TFCP2: variants seen among roughly 807,000 people sequenced by gnomAD.
TFCP2 encodes alpha-globin transcription factor CP2.
TFCP2 carries 33 observed loss-of-function variants against 73.4 expected under a neutral mutation model. The ratio of observed to expected loss-of-function variants is 0.45; its 90% CI spans 0.34 to 0.60. The LOEUF is 0.60. Among genes scored for constraint, TFCP2 ranks in the 20% least tolerant of loss-of-function variants. The pLI is 0.01. For synonymous variants in TFCP2, 193 were observed against 211.6 expected (o/e 0.91, Z 0.76); for missense variants, 352 against 604.0 (o/e 0.58, Z 4.37).
At chr12:51,148,190 A>G (rs1403834191) in intron 1 of TFCP2, among the ~76,000 whole-genome samples, 2 of 152,244 alleles carry the variant, frequency 1.3e-5, no homozygotes, top group Non-Finnish European at 2.9e-5. Context: ...GTTGCTGGGA[A>G]TGTAAATAGT....
intron 1 of TFCP2, among the ~76,000 whole-genome samples, chr12:51,143,679 AG>A (rs753120386): frequency 6.6e-5 from 10 of 152,238 alleles, no homozygotes; most frequent in Middle Eastern, 3.4e-3. Flanking sequence ...AGAAGCATGG[AG>A]GTGTTAAGCA....
chr12:51,131,059 G>A (rs1290402324), intron 1 of TFCP2, among the ~76,000 whole-genome samples: 1 of 151,614 alleles, frequency 6.6e-6, no homozygotes, highest in Non-Finnish European at 1.5e-5. Context: ...TTCGGGCGCG[G>A]TGGCTCACGC....
Position 51,118,675 on chromosome 12 carries a change from C to A in TFCP2, c.220G>T (p.Ala74Ser). 6.2e-7 allele frequency: 1 copy of A among 1,614,150 alleles called. No homozygotes were observed. The highest frequency in any genetic ancestry group is 8.5e-7 in the Non-Finnish European group (1 of 1,180,032). Reference sequence around the variant, plus strand: ...TGGAGTTTCACTGCTGGAGAGGTAGCAGCACAAAGCACATATTGAAAAGGC... The same window carrying A: ...TGGAGTTTCACTGCTGGAGAGGTAGAAGCACAAAGCACATATTGAAAAGGC... The part of the protein sequence containing the change: ...ILPFQYVLCA[A>S]TSPAVKLHDE... The change falls in exon 2 of 15, where the codon GCT becomes TCT. Residue 74 changes from alanine to serine, a missense_variant. Physicochemically the swap from Ala to Ser is moderately conservative, Grantham distance 99 (BLOSUM62 1). This residue lies in a region of TFCP2 where 76 missense variants were observed against 163.2 expected (regional missense o/e 0.47). Coordinates refer to ENST00000257915, the MANE Select transcript of TFCP2 (RefSeq NM_005653.5).
At chr12:51,167,232 C>T (rs899587886) in intron 1 of TFCP2, among the ~76,000 whole-genome samples, 4 of 152,068 alleles carry the variant, frequency 2.6e-5, no homozygotes, top group Non-Finnish European at 4.4e-5. Context: ...TAAGATGACT[C>T]TTTATAAAAT....
intron 1 of TFCP2, among the ~76,000 whole-genome samples, chr12:51,119,948 G>A (rs1940618862): frequency 6.6e-6 from 1 of 151,796 alleles, no homozygotes; most frequent in Admixed American, 6.6e-5. Flanking sequence ...GGAGGCCGAG[G>A]CGGGTGGATC....
At chr12:51,144,970 G>A (rs1301129428) in intron 1 of TFCP2, among the ~76,000 whole-genome samples, 2 of 152,172 alleles carry the variant, frequency 1.3e-5, no homozygotes, top group African/African-American at 4.8e-5. Context: ...GGAGGCCGAG[G>A]TGGGCGGATC....
intron 1 of TFCP2, among the ~76,000 whole-genome samples, chr12:51,147,542 A>G (rs1941325802): frequency 6.6e-6 from 1 of 151,918 alleles, no homozygotes; most frequent in Admixed American, 6.6e-5. Context: ...GGGGGGAAAG[A>G]GAGAAGGTGA....
intron 13 of TFCP2, 116 bp downstream of exon 13, chr12:51,098,660 A>C: frequency 1.6e-6 from 2 of 1,247,754 alleles, no homozygotes; most frequent in Non-Finnish European, 2.2e-6. Context: ...CAAGCAAAAA[A>C]GTATGAAACC....
chr12:51,103,700 T>C lies in TFCP2; in HGVS notation c.1030A>G (p.Thr344Ala), dbSNP rs1940162770. 6.2e-7 allele frequency: 1 copy of C among 1,614,126 alleles called. No homozygotes were observed. Among genetic ancestry groups the C allele is most frequent in the Non-Finnish European group, 8.5e-7 (1 of 1,180,008 alleles). ...AAGTTTGTGAAAAGCCTTGTGAATG[T>C]AGAAAAACGATTTCGATGCAACCAC... The part of the protein sequence containing the change: ...QQWLHRNRFS[T>A]FTRLFTNFSG... Residue 344 changes from threonine (T) to alanine (A), a missense_variant, in exon 10 of 15, where the codon ACA (threonine) becomes GCA (alanine). Thr to Ala is a moderately conservative substitution (Grantham distance 58). Around this residue, in one of 6 missense-constraint regions of TFCP2, gnomAD observed 194 missense variants for 256.3 expected, o/e 0.76. Coordinates refer to ENST00000257915, the MANE Select transcript of TFCP2 (RefSeq NM_005653.5).
At position 51,162,621 on chromosome 12, in the gene TFCP2, C is replaced by A. The variant is rs1034951303; in HGVS notation, c.122+9680G>T. Among the ~76,000 whole-genome samples, 4 of 152,104 alleles carry A rather than the reference C, an allele frequency of 2.6e-5. No individual in the cohort carries two copies. In the South Asian group the frequency reaches 8.3e-4, roughly 32 times the overall value. Reference sequence around the variant, plus strand: ...ACTCTCTTAGCAATGTTCAAGTATACAATATATCGTTTTAACTATAGTCCC... The same window carrying A: ...ACTCTCTTAGCAATGTTCAAGTATAAAATATATCGTTTTAACTATAGTCCC... On this transcript the variant is annotated intron_variant, in intron 1 of 14. Coordinates refer to ENST00000257915, the MANE Select transcript of TFCP2 (RefSeq NM_005653.5).
chr12:51,152,757 CA>C (rs1184165826), intron 1 of TFCP2, among the ~76,000 whole-genome samples: 2 of 152,132 alleles, frequency 1.3e-5, no homozygotes, highest in Non-Finnish European at 2.9e-5. Flanking sequence ...AAATATTATA[CA>C]AGTCTGAAAT....
At chr12:51,167,783 G>A (rs545687641) in intron 1 of TFCP2, among the ~76,000 whole-genome samples, 1 of 152,126 alleles carries the variant, frequency 6.6e-6, no homozygotes, top group Non-Finnish European at 1.5e-5. Flanking sequence ...AAATAGGCCT[G>A]GGAACCGCGG....
At chr12:51,151,156 A>T (rs1304528826) in intron 1 of TFCP2, among the ~76,000 whole-genome samples, 1 of 152,190 alleles carries the variant, frequency 6.6e-6, no homozygotes. Context: ...CTGAGGTGAG[A>T]CTGGAGCCCT....
At position 51,119,468 on chromosome 12, in the gene TFCP2, C is replaced by T. The variant is rs115708792; in HGVS notation, c.123-696G>A. ...GCAGTTTTTTATAAAATTAAACATG[C>T]AGTCAGGCACAGTGGCTCATGCCTG... is the stretch of plus-strand genomic sequence containing the variant. On this transcript the variant is annotated intron_variant, in intron 1 of 14. Transcript: ENST00000257915. Among the ~76,000 whole-genome samples, 457 of 152,260 alleles carry T rather than the reference C, an allele frequency of 3.0e-3. 2 individuals carry two copies. The highest frequency in any genetic ancestry group is 0.01 in the African/African-American group (427 of 41,546).
chr12:51,151,718 G>A (rs1592832019), intron 1 of TFCP2, among the ~76,000 whole-genome samples: 2 of 152,082 alleles, frequency 1.3e-5, no homozygotes, highest in Admixed American at 6.6e-5. Flanking sequence ...TTACAGGCGT[G>A]AGCCACCACG....
chr12:51,144,795 C>T (rs1453513168), intron 1 of TFCP2, among the ~76,000 whole-genome samples: 1 of 152,224 alleles, frequency 6.6e-6, no homozygotes, highest in African/African-American at 2.4e-5. Flanking sequence ...GACACGGTGA[C>T]TCATGCCTGC....
At chr12:51,171,344 AG>A (rs1941857404) in intron 1 of TFCP2, among the ~76,000 whole-genome samples, 1 of 152,196 alleles carries the variant, frequency 6.6e-6, no homozygotes, top group Non-Finnish European at 1.5e-5. Flanking sequence ...CAAGTTATAT[AG>A]GCAATAATGT....
rs1939919541 is a variant in TFCP2, at chr12:51,094,969, A to G, written c.*272T>C. On this transcript the variant is annotated 3_prime_UTR_variant, in exon 15 of 15. Coordinates refer to ENST00000257915, the MANE Select transcript of TFCP2 (RefSeq NM_005653.5). ...GCCCTACATACACTCTAAATTATGT[A>G]GAGTTTCTACTGATATTTAACAACA... is the stretch of plus-strand genomic sequence containing the variant. 4.2e-6 allele frequency: 2 copies of G among 475,876 alleles called. No homozygotes were observed. Among genetic ancestry groups the G allele is most frequent in the South Asian group, 7.2e-5 (2 of 27,648 alleles). 29.5% of individuals were successfully genotyped at this position (475,876 alleles called of 1,614,324 possible). A position where few individuals can be genotyped will look rare whatever the true frequency, so the allele number is the denominator to read the frequency against.
intron 7 of TFCP2, 164 bp from the exon 8 acceptor site, chr12:51,106,777 C>T: frequency 4.9e-6 from 3 of 616,864 alleles, no homozygotes; most frequent in Non-Finnish European, 5.6e-6. Context: ...ATCTTGGAGC[C>T]TGTGGGGAGG....
Sources: gnomAD v4.1 joint callset for allele counts (sites outside exome capture counted in the v4.1 genomes callset) on GRCh38, gnomAD v4.1.1 for gene constraint, gnomAD v4.1.1 regional missense constraint, MANE v1.5 for transcripts, NCBI Gene and HGNC (gene_info 2026-07-23, HGNC 2026-07-21) for gene names.